KALRN: variants seen among roughly 807,000 people sequenced by gnomAD.
KALRN encodes the protein kalirin.
Under a neutral mutation model 353.7 loss-of-function variants are expected in KALRN, and 70 were observed. The observed-to-expected ratio is 0.20, with a 90% CI of 0.16 to 0.24. The LOEUF (loss-of-function observed/expected upper bound fraction) is 0.24, where lower values mean the gene tolerates loss of function less well. Among genes scored for constraint, KALRN ranks in the 10% least tolerant of loss-of-function variants. The pLI, the probability that KALRN is intolerant of heterozygous loss-of-function variation, is 1.00. For synonymous variants in KALRN, 1,391 were observed against 1,434.8 expected (o/e 0.97, Z 0.69); for missense variants, 2,791 against 3,756.7 (o/e 0.74, Z 6.72).
In KALRN at chr3:124,573,558, G is replaced by A. The variant is rs557527741; in HGVS notation, c.5182+10469G>A. 7.2e-5 allele frequency among the ~76,000 whole-genome samples: 11 copies of A among 152,220 alleles called. No individual in the cohort carries two copies. The East Asian group carries it at 1.9e-3, about 27-fold the overall frequency. ...ACTCTATTACCCAGGCTGGAGTTCA[G>A]TGGCATGATCAGGCCTCACTGCAGC... On this transcript the variant is annotated intron_variant, in intron 34 of 59. Transcript: ENST00000682506.
At chr3:124,326,563 T>G (rs1172798221) in intron 7 of KALRN, among the ~76,000 whole-genome samples, 1 of 152,232 alleles carries the variant, frequency 6.6e-6, no homozygotes, top group Admixed American at 6.5e-5. Context: ...AAACTAATTT[T>G]ACATGAAGTA....
chr3:124,362,074 G>C (rs1330801253), intron 10 of KALRN, among the ~76,000 whole-genome samples: 2 of 152,126 alleles, frequency 1.3e-5, no homozygotes, highest in Non-Finnish European at 2.9e-5. Context: ...GGTTGTGGGG[G>C]CTGATGGGTA....
chr3:124,210,630 GA>G (rs2076823772), intron 1 of KALRN, among the ~76,000 whole-genome samples: 1 of 152,032 alleles, frequency 6.6e-6, no homozygotes, highest in Non-Finnish European at 1.5e-5. Context: ...AGGGGAGAAA[GA>G]AGAAAAAAAC....
chr3:124,229,947 G>A (rs775710187), intron 2 of KALRN, among the ~76,000 whole-genome samples: 12 of 152,200 alleles, frequency 7.9e-5, no homozygotes, highest in Non-Finnish European at 8.8e-5. Context: ...CAACTCCTTG[G>A]CAGGATTACG....
At chr3:124,510,487 G>T (rs1248231463) in intron 33 of KALRN, among the ~76,000 whole-genome samples, 1 of 151,882 alleles carries the variant, frequency 6.6e-6, no homozygotes, top group East Asian at 1.9e-4. Context: ...AAGGAATTTA[G>T]ACTTTATTGA....
intron 34 of KALRN, among the ~76,000 whole-genome samples, chr3:124,589,101 A>C (rs2075512481): frequency 6.6e-6 from 1 of 152,184 alleles, no homozygotes; most frequent in Non-Finnish European, 1.5e-5. Context: ...CAGGGCATCC[A>C]AAGGCATTTT....
Position 124,446,262 on chromosome 3 carries a change from C to T in KALRN, c.3415C>T (p.Arg1139Cys), listed in dbSNP as rs769093448. ...DQCQQYVVFERSAKQALDWIQ... is the reference protein window; with the variant it reads ...DQCQQYVVFECSAKQALDWIQ... Reference sequence around the variant, plus strand: ...ATGCCAGCAATATGTGGTGTTCGAGCGCAGCGCTAAGCAGGTTGTCCAAAG... The same window carrying T: ...ATGCCAGCAATATGTGGTGTTCGAGTGCAGCGCTAAGCAGGTTGTCCAAAG... Residue 1139 changes from arginine to cysteine, a missense_variant, in exon 20 of 60, where the codon CGC (arginine) becomes TGC (cysteine). By Grantham distance (180) the Arg-to-Cys change is radical (BLOSUM62 -3). This residue lies in a region of KALRN where 268 missense variants were observed against 347.0 expected (regional missense o/e 0.77). Transcript: ENST00000682506. 5.0e-6 allele frequency: 8 copies of T among 1,613,088 alleles called. No individual in the cohort carries two copies. The highest frequency in any genetic ancestry group is 1.1e-5 in the South Asian group (1 of 90,992).
chr3:124,449,627 T>G (rs2058584014), intron 21 of KALRN, among the ~76,000 whole-genome samples: 2 of 152,230 alleles, frequency 1.3e-5, no homozygotes, highest in African/African-American at 4.8e-5. Context: ...TGTGCAAACA[T>G]TGCCACTGTT....
chr3:124,225,680 C>G (rs1388516154), intron 1 of KALRN, among the ~76,000 whole-genome samples: 3 of 152,172 alleles, frequency 2.0e-5, no homozygotes, highest in Non-Finnish European at 4.4e-5. Context: ...CTTCCTCTTC[C>G]TCTCCAAGGA....
chr3:124,691,154 C>T lies in KALRN; in HGVS notation c.7378-2650C>T, dbSNP rs72968719. Among the ~76,000 whole-genome samples, 297 of 152,174 alleles carry T rather than the reference C, an allele frequency of 2.0e-3. 2 individuals carry two copies. Among genetic ancestry groups the T allele is most frequent in the African/African-American group, 6.8e-3 (281 of 41,540 alleles). On this transcript the variant is annotated intron_variant, in intron 51 of 59. Transcript: ENST00000682506. ...TAATTATTAAGAAAGTGAGTCCGGG[C>T]GTGGTGGTTCATGCCTGTAATCTCA... is the stretch of plus-strand genomic sequence containing the variant.
intron 49 of KALRN, among the ~76,000 whole-genome samples, chr3:124,676,248 C>T (rs2087168037): frequency 6.6e-6 from 1 of 152,150 alleles, no homozygotes; most frequent in Admixed American, 6.5e-5. Flanking sequence ...GATTGAAATA[C>T]AAATGGGTCA....
chr3:124,092,642 C>T (rs1000768522), intron 1 of KALRN, among the ~76,000 whole-genome samples: 11 of 152,208 alleles, frequency 7.2e-5, no homozygotes, highest in African/African-American at 1.2e-4. Context: ...CTCAGTGAAA[C>T]GTGTCACAAT....
chr3:124,637,434 T>C, intron 37 of KALRN, 131 bp downstream of exon 37: 1 of 721,012 alleles, frequency 1.4e-6, no homozygotes, highest in African/African-American at 1.7e-5. Flanking sequence ...AATGATGGTT[T>C]CTAAAAAGCT....
chr3:124,488,405 C>A, intron 29 of KALRN, 90 bp downstream of exon 29: 1 of 845,230 alleles, frequency 1.2e-6, no homozygotes, highest in Non-Finnish European at 2.0e-6. Context: ...TGAAGTTAGA[C>A]AAGGTGCAAG....
chr3:124,131,570 A>G (rs2065279212), intron 1 of KALRN, among the ~76,000 whole-genome samples: 2 of 152,338 alleles, frequency 1.3e-5, no homozygotes, highest in South Asian at 4.1e-4. Flanking sequence ...GTTGACAAAG[A>G]CAATGCTGTG....
intron 1 of KALRN, among the ~76,000 whole-genome samples, chr3:124,143,982 G>A (rs941205360): frequency 7.9e-5 from 12 of 152,172 alleles, no homozygotes; most frequent in Non-Finnish European, 1.5e-4. Context: ...TGGGGCCAGA[G>A]GGAGTGTTCT....
chr3:124,196,745 A>G (rs2075477738), intron 1 of KALRN, among the ~76,000 whole-genome samples: 1 of 152,194 alleles, frequency 6.6e-6, no homozygotes, highest in African/African-American at 2.4e-5. Context: ...ATTTCTGGAA[A>G]TTACTTTTAA....
chr3:124,147,640 G>A (rs1302193317), intron 1 of KALRN, among the ~76,000 whole-genome samples: 1 of 152,196 alleles, frequency 6.6e-6, no homozygotes, highest in Non-Finnish European at 1.5e-5. Flanking sequence ...TTGCACAACT[G>A]TAGTACAATA....
chr3:124,527,257 G>A (rs2067667901), intron 33 of KALRN, among the ~76,000 whole-genome samples: 1 of 152,016 alleles, frequency 6.6e-6, no homozygotes, highest in Non-Finnish European at 1.5e-5. Context: ...GAGAGGTAAG[G>A]GTTTTGCAAG....
Sources: allele counts gnomAD v4.1 joint callset (sites outside exome capture counted in the v4.1 genomes callset), GRCh38; gene constraint gnomAD v4.1.1; regional missense constraint gnomAD v4.1.1; transcripts MANE v1.5; gene names NCBI Gene and HGNC (gene_info 2026-07-23, HGNC 2026-07-21).